Variants in L3MBTL4 observed in about 807,000 individuals in gnomAD.
The protein encoded by L3MBTL4 is lethal(3)malignant brain tumor-like protein 4.
In L3MBTL4, 70 loss-of-function variants were observed where a neutral mutation model predicts 84.5. The ratio of observed to expected loss-of-function variants is 0.83; its 90% CI spans 0.68 to 1.01. L3MBTL4 has a LOEUF of 1.01. Among genes scored for constraint, L3MBTL4 ranks in the 50% least tolerant of loss-of-function variants. The pLI is 0.00. For synonymous variants in L3MBTL4, 274 were observed against 259.8 expected (o/e 1.05, Z -0.52); for missense variants, 715 against 754.8 (o/e 0.95, Z 0.62).
intron 1 of L3MBTL4, among the ~76,000 whole-genome samples, chr18:6,329,354 C>T (rs2051903073): frequency 6.6e-6 from 1 of 151,754 alleles, no homozygotes; most frequent in Non-Finnish European, 1.5e-5. Context: ...GGGGTTTCAT[C>T]CTGTTAGCCA....
At chr18:6,083,526 C>T (rs2058152572) in intron 15 of L3MBTL4, among the ~76,000 whole-genome samples, 1 of 152,120 alleles carries the variant, frequency 6.6e-6, no homozygotes, top group African/African-American at 2.4e-5. Context: ...CCACTGCATA[C>T]AGCCAGTAGA....
intron 1 of L3MBTL4, among the ~76,000 whole-genome samples, chr18:6,374,107 C>G (rs2054269978): frequency 6.6e-6 from 1 of 152,196 alleles, no homozygotes. Context: ...AACACACAAA[C>G]AGCAGATGTA....
At chr18:5,969,632 G>C in intron 16 of L3MBTL4, 70 bp from the exon 17 acceptor site, 1 of 1,491,496 alleles carries the variant, frequency 6.7e-7, no homozygotes, top group East Asian at 2.3e-5. Flanking sequence ...CAGCCCCGCA[G>C]TCCGGAGGGC....
At chr18:6,060,973 T>C (rs956189875) in intron 16 of L3MBTL4, among the ~76,000 whole-genome samples, 22 of 152,140 alleles carry the variant, frequency 1.4e-4, no homozygotes, top group African/African-American at 5.1e-4. Flanking sequence ...AACATTCATG[T>C]GGAGGTTTTT....
chr18:5,960,295 T>A, intron 17 of L3MBTL4, 139 bp from the exon 18 acceptor site: 1 of 382,540 alleles, frequency 2.6e-6, no homozygotes, highest in Non-Finnish European at 4.8e-6. Context: ...CAAGTTGCAT[T>A]AGCATTTGTC....
intron 13 of L3MBTL4, among the ~76,000 whole-genome samples, chr18:6,163,601 A>G (rs2043476988): frequency 1.3e-5 from 2 of 152,144 alleles, no homozygotes. Flanking sequence ...AATTCTAGGG[A>G]CTGTAATTAC....
chr18:6,170,885 TG>T (rs1304146713), intron 13 of L3MBTL4, among the ~76,000 whole-genome samples: 4 of 152,124 alleles, frequency 2.6e-5, no homozygotes, highest in Non-Finnish European at 5.9e-5. Context: ...GTGCTGACCA[TG>T]GTCCTCTTCA....
intron 1 of L3MBTL4, among the ~76,000 whole-genome samples, chr18:6,334,364 A>C (rs2052213990): frequency 6.6e-6 from 1 of 152,126 alleles, no homozygotes; most frequent in African/African-American, 2.4e-5. Flanking sequence ...TAAGGGCACA[A>C]AGGGTGATAC....
At chr18:6,406,443 A>G (rs907962570) in intron 1 of L3MBTL4, among the ~76,000 whole-genome samples, 2 of 152,228 alleles carry the variant, frequency 1.3e-5, no homozygotes, top group Non-Finnish European at 2.9e-5. Context: ...TTTTCGATTC[A>G]TATTCTGACA....
intron 16 of L3MBTL4, among the ~76,000 whole-genome samples, chr18:5,985,614 C>G (rs1264018245): frequency 6.6e-6 from 1 of 152,090 alleles, no homozygotes; most frequent in Non-Finnish European, 1.5e-5. Flanking sequence ...GTTATATTCC[C>G]GAAGGATGTT....
At chr18:6,110,659 T>C (rs1384079528) in intron 14 of L3MBTL4, among the ~76,000 whole-genome samples, 2 of 151,860 alleles carry the variant, frequency 1.3e-5, no homozygotes. Flanking sequence ...GTGGTGTGTT[T>C]GCAGGTGGTT....
intron 15 of L3MBTL4, among the ~76,000 whole-genome samples, chr18:6,087,762 G>A (rs903642485): frequency 3.3e-5 from 5 of 152,070 alleles, no homozygotes; most frequent in Middle Eastern, 3.2e-3. Context: ...AAAATCAATG[G>A]TTTTCATAAA....
intron 13 of L3MBTL4, among the ~76,000 whole-genome samples, chr18:6,151,686 T>C (rs1414262471): frequency 5.9e-5 from 9 of 152,178 alleles, no homozygotes; most frequent in Non-Finnish European, 5.9e-5. Context: ...TGAGCCACCG[T>C]GCCCAGACTA....
chr18:6,206,813 T>A (rs945791968), intron 12 of L3MBTL4, among the ~76,000 whole-genome samples: 7 of 152,218 alleles, frequency 4.6e-5, no homozygotes, highest in Non-Finnish European at 1.0e-4. Flanking sequence ...TCTACCTTTT[T>A]TTACTTAATA....
At chr18:5,959,349 G>C (rs539469964) in intron 18 of L3MBTL4, among the ~76,000 whole-genome samples, 1 of 152,146 alleles carries the variant, frequency 6.6e-6, no homozygotes, top group Non-Finnish European at 1.5e-5. Flanking sequence ...TTGTCACAAG[G>C]ATCAAAGGAT....
chr18:5,983,759 C>G (rs1451369810), intron 16 of L3MBTL4, among the ~76,000 whole-genome samples: 5 of 152,180 alleles, frequency 3.3e-5, no homozygotes, highest in African/African-American at 1.2e-4. Flanking sequence ...ACCCCTCCCA[C>G]TTCCCAAATA....
intron 16 of L3MBTL4, among the ~76,000 whole-genome samples, chr18:5,988,442 A>T (rs1315725002): frequency 6.6e-6 from 1 of 152,246 alleles, no homozygotes; most frequent in Admixed American, 6.5e-5. Flanking sequence ...AATGTAAATT[A>T]TATTTAGCTT....
chr18:6,310,883 G>T (rs2146937812), intron 3 of L3MBTL4, among the ~76,000 whole-genome samples: 1 of 152,234 alleles, frequency 6.6e-6, no homozygotes, highest in East Asian at 1.9e-4. Context: ...AAATCAGCAG[G>T]CTTCGATCAA....
rs112352849 is a variant in L3MBTL4, at chr18:6,070,867, G to A, written c.1444+10014C>T. On this transcript the variant is annotated intron_variant, in intron 16 of 18. Transcript: ENST00000317931. ...AATAATAATAACTAGAAGACACTAT[G>A]AATGAAGTACAAAAGATAATTTTTC... is the stretch of plus-strand genomic sequence containing the variant. Among the ~76,000 whole-genome samples, 59 of 151,906 alleles carry A rather than the reference G, an allele frequency of 3.9e-4. 2 individuals carry two copies. The highest frequency in any genetic ancestry group is 1.4e-3 in the African/African-American group (59 of 41,436).
Sources: gnomAD v4.1 joint callset for allele counts (sites outside exome capture counted in the v4.1 genomes callset) on GRCh38, gnomAD v4.1.1 for gene constraint, MANE v1.5 for transcripts, NCBI Gene and HGNC (gene_info 2026-07-23, HGNC 2026-07-21) for gene names.